The following TMEM217 variants were observed in gnomAD, a reference collection of about 807,000 sequenced individuals.
TMEM217 encodes chromosome 6 open reading frame 128.
For missense variants in TMEM217, 204 were observed against 248.8 expected, an observed-to-expected ratio of 0.82 and a Z score of 1.21; for synonymous variants, 76 against 88.3, an observed-to-expected ratio of 0.86 and a Z score of 0.78.
At chr6:37,237,090 C>T (rs947659728) in intron 1 of TMEM217, among the ~76,000 whole-genome samples, 7 of 152,156 alleles carry the variant, frequency 4.6e-5, no homozygotes, top group Non-Finnish European at 7.4e-5. Flanking sequence ...CATAGCAACA[C>T]GTTTCCTGGA....
At chr6:37,233,462 G>A (rs952104808) in intron 1 of TMEM217, among the ~76,000 whole-genome samples, 1 of 152,188 alleles carries the variant, frequency 6.6e-6, no homozygotes, top group South Asian at 2.1e-4. Context: ...CTTTCAGGTG[G>A]CATCTTGCCA....
chr6:37,217,279 G>A (rs1763257264), downstream of TMEM217, among the ~76,000 whole-genome samples: 1 of 152,222 alleles, frequency 6.6e-6, no homozygotes, highest in Non-Finnish European at 1.5e-5. Flanking sequence ...GGGCGACAGA[G>A]CCAGACTCGG....
intron 1 of TMEM217, among the ~76,000 whole-genome samples, chr6:37,240,446 T>C (rs1764710581): frequency 6.6e-6 from 1 of 152,152 alleles, no homozygotes; most frequent in South Asian, 2.1e-4. Flanking sequence ...TATAGTCCAC[T>C]TGAATTTCCT....
exon 2 of TMEM217, chr6:37,218,622 C>T: frequency 6.2e-7 from 1 of 1,614,166 alleles, no homozygotes; most frequent in Non-Finnish European, 8.5e-7. Flanking sequence ...CAGTGCATGA[C>T]TGTACGAGAC....
intron 1 of TMEM217, among the ~76,000 whole-genome samples, chr6:37,256,656 A>T (rs1483524271): frequency 2.7e-5 from 4 of 149,744 alleles, no homozygotes; most frequent in Non-Finnish European, 4.4e-5. Context: ...GACATATAAA[A>T]GAAGGTCCTT....
intron 1 of TMEM217, among the ~76,000 whole-genome samples, chr6:37,234,950 A>G (rs1017417568): frequency 6.6e-6 from 1 of 152,162 alleles, no homozygotes; most frequent in Non-Finnish European, 1.5e-5. Flanking sequence ...AATTTATGAA[A>G]ATATAATTAT....
In TMEM217 at chr6:37,218,775, C is replaced by T. The variant is rs146234506; in HGVS notation, c.256G>A (p.Val86Met). 6.8e-6 allele frequency: 11 copies of T among 1,614,046 alleles called. No individual in the cohort carries two copies. The African/African-American group carries it at 1.3e-4, about 20-fold the overall frequency. ...AGGCCCCTGAAGATCTGGGCATACA[C>T]TGAGTACAGGAGGAAGCAGCTGATG... The change falls in exon 2 of 2, where the codon GTG becomes ATG. Residue 86 changes from valine to methionine, a missense_variant. By Grantham distance (21) the Val-to-Met change is conservative (BLOSUM62 1). Transcript: ENST00000357219.
chr6:37,213,764 G>T (rs1021346648), downstream of TMEM217, among the ~76,000 whole-genome samples: 1 of 152,236 alleles, frequency 6.6e-6, no homozygotes, highest in Non-Finnish European at 1.5e-5. Context: ...GCTGGAGTAG[G>T]CTGGGCCTAC....
At chr6:37,229,943 C>T (rs532735437) in intron 1 of TMEM217, among the ~76,000 whole-genome samples, 4 of 152,168 alleles carry the variant, frequency 2.6e-5, no homozygotes, top group Non-Finnish European at 2.9e-5. Context: ...CCTGGGCTAG[C>T]GGGACCCTTC....
downstream of TMEM217, among the ~76,000 whole-genome samples, chr6:37,213,150 C>T (rs904389968): frequency 2.0e-4 from 31 of 152,170 alleles, no homozygotes; most frequent in African/African-American, 7.0e-4. Context: ...GGGTCTGGCC[C>T]GTGCTCTGGC....
At chr6:37,242,386 A>C (rs570772154) in intron 1 of TMEM217, among the ~76,000 whole-genome samples, 1 of 152,300 alleles carries the variant, frequency 6.6e-6, no homozygotes, top group Admixed American at 6.5e-5. Context: ...TCAACTTTTC[A>C]AATCAGCACT....
At chr6:37,237,125 C>G (rs979200918) in intron 1 of TMEM217, among the ~76,000 whole-genome samples, 6 of 152,118 alleles carry the variant, frequency 3.9e-5, no homozygotes, top group African/African-American at 1.4e-4. Context: ...AGTGAGTCAC[C>G]AAGGCCATAT....
At chr6:37,228,914 G>T (rs1277937363) in intron 1 of TMEM217, among the ~76,000 whole-genome samples, 1 of 145,120 alleles carries the variant, frequency 6.9e-6, no homozygotes, top group African/African-American at 2.6e-5. Context: ...GGAGAATGGC[G>T]TGAACCTGGG....
chr6:37,223,407 T>C (rs1263521056), intron 1 of TMEM217, among the ~76,000 whole-genome samples: 1 of 152,200 alleles, frequency 6.6e-6, no homozygotes, highest in Non-Finnish European at 1.5e-5. Flanking sequence ...TATAGACTTC[T>C]ATAGGAAACA....
At chr6:37,257,009 T>C (rs1324998469) in intron 1 of TMEM217, among the ~76,000 whole-genome samples, 1 of 152,222 alleles carries the variant, frequency 6.6e-6, no homozygotes, top group Non-Finnish European at 1.5e-5. Flanking sequence ...ATTAAGGATG[T>C]TGGTGGGGCC....
At chr6:37,252,754 C>T (rs1765518003) in intron 1 of TMEM217, among the ~76,000 whole-genome samples, 1 of 151,094 alleles carries the variant, frequency 6.6e-6, no homozygotes, top group African/African-American at 2.4e-5. Context: ...ATCCTCCCAC[C>T]TCAGCCTCTG....
At chr6:37,242,038 T>C (rs1204698439) in intron 1 of TMEM217, among the ~76,000 whole-genome samples, 2 of 151,480 alleles carry the variant, frequency 1.3e-5, no homozygotes, top group Non-Finnish European at 2.9e-5. Context: ...GCCTGCTCTT[T>C]CCCTGCCCCT....
downstream of TMEM217, chr6:37,215,115 TTGGGTCAC>T (rs2113798784): frequency 4.5e-6 from 7 of 1,568,790 alleles, no homozygotes; most frequent in South Asian, 7.0e-5. Flanking sequence ...CACCTCTCTC[TTGGGTCAC>T]TATAATAATG....
At chr6:37,225,116 C>T (rs1202107901) in intron 1 of TMEM217, among the ~76,000 whole-genome samples, 2 of 151,874 alleles carry the variant, frequency 1.3e-5, no homozygotes, top group South Asian at 2.1e-4. Context: ...ATGAGAATCA[C>T]TTGAGCCTGG....
Sources: gnomAD v4.1 joint callset for allele counts (sites outside exome capture counted in the v4.1 genomes callset) on GRCh38, gnomAD v4.1.1 for gene constraint, MANE v1.5 for transcripts, NCBI Gene and HGNC (gene_info 2026-07-23, HGNC 2026-07-21) for gene names.